Variants in LGSN observed in about 807,000 individuals in gnomAD.
LGSN encodes the protein lengsin, lens protein with glutamine synthetase domain.
A neutral mutation model predicts 19.5 loss-of-function variants in LGSN; 21 were observed. The ratio of observed to expected loss-of-function variants is 1.07; its 90% CI spans 0.76 to 1.55. The LOEUF (loss-of-function observed/expected upper bound fraction) is 1.55. Ranked by LOEUF, LGSN falls within the 40% of genes most tolerant of loss-of-function variation. The pLI, the probability that LGSN is intolerant of heterozygous loss-of-function variation, is 0.00. For synonymous variants in LGSN, 257 were observed against 215.6 expected (o/e 1.19, Z -1.68); for missense variants, 673 against 608.5 (o/e 1.11, Z -1.12).
chr6:63,515,034 ACT>A, the LGSN span, among the ~76,000 whole-genome samples: 5 of 151,690 alleles, frequency 3.3e-5, no homozygotes, highest in Non-Finnish European at 7.4e-5. Context: ...ACAAGGTATT[ACT>A]CTGTCACCAA....
chr6:63,315,715 C>T (rs1768822161), intron 1 of LGSN, among the ~76,000 whole-genome samples: 1 of 149,698 alleles, frequency 6.7e-6, no homozygotes, highest in Admixed American at 6.7e-5. Context: ...TTCAGTGAGG[C>T]AACTGAGGAT....
At chr6:63,500,927 C>T in the LGSN span, among the ~76,000 whole-genome samples, 4 of 151,986 alleles carry the variant, frequency 2.6e-5, no homozygotes, top group Admixed American at 1.3e-4. Flanking sequence ...GGGATTTTGC[C>T]ATGTTGGCCA....
At chr6:63,567,216 A>G in the LGSN span, among the ~76,000 whole-genome samples, 1 of 152,226 alleles carries the variant, frequency 6.6e-6, no homozygotes, top group Non-Finnish European at 1.5e-5. Flanking sequence ...AATGGCATCT[A>G]GAATCCTTTC....
chr6:63,353,813 A>G, the LGSN span, among the ~76,000 whole-genome samples: 1 of 152,120 alleles, frequency 6.6e-6, no homozygotes, highest in South Asian at 2.1e-4. Context: ...GACCAATGAA[A>G]CAGAATAGAG....
chr6:63,509,190 GAGT>G, the LGSN span, among the ~76,000 whole-genome samples: 3 of 151,428 alleles, frequency 2.0e-5, no homozygotes, highest in African/African-American at 7.3e-5. Flanking sequence ...TCAGCCTCCT[GAGT>G]AGCTGGGATT....
At chr6:63,531,478 A>G in the LGSN span, among the ~76,000 whole-genome samples, 17 of 146,896 alleles carry the variant, frequency 1.2e-4, no homozygotes, top group East Asian at 1.8e-3. Context: ...ATAATGTAAT[A>G]TTTGTATTAA....
the LGSN span, among the ~76,000 whole-genome samples, chr6:63,562,425 C>A: frequency 6.6e-6 from 1 of 152,142 alleles, no homozygotes; most frequent in Non-Finnish European, 1.5e-5. Flanking sequence ...TCTCGAACTC[C>A]CGACCTCAAG....
At chr6:63,548,806 G>C in the LGSN span, 1 of 735,562 alleles carries the variant, frequency 1.4e-6, no homozygotes, top group Non-Finnish European at 2.5e-6. Flanking sequence ...CCCCAGTGAC[G>C]GCGGATCTCA....
At chr6:63,557,399 C>A in the LGSN span, among the ~76,000 whole-genome samples, 2 of 152,010 alleles carry the variant, frequency 1.3e-5, no homozygotes, top group Admixed American at 6.6e-5. Flanking sequence ...AACCCTGTCT[C>A]TACTAAAAAT....
chr6:63,451,229 A>G, the LGSN span, among the ~76,000 whole-genome samples: 1 of 152,200 alleles, frequency 6.6e-6, no homozygotes, highest in Non-Finnish European at 1.5e-5. Context: ...CAGCAATTCC[A>G]TTACTGGATA....
At chr6:63,461,167 A>C in the LGSN span, among the ~76,000 whole-genome samples, 1 of 152,076 alleles carries the variant, frequency 6.6e-6, no homozygotes, top group Non-Finnish European at 1.5e-5. Flanking sequence ...TCCCGGGCTC[A>C]AGCCTCCCGA....
At chr6:63,449,462 T>C in the LGSN span, among the ~76,000 whole-genome samples, 2 of 151,510 alleles carry the variant, frequency 1.3e-5, no homozygotes, top group African/African-American at 2.4e-5. Flanking sequence ...GGAGAATCAC[T>C]TGAACCTAGG....
chr6:63,534,984 CA>C, the LGSN span, among the ~76,000 whole-genome samples: 4 of 151,964 alleles, frequency 2.6e-5, no homozygotes, highest in Admixed American at 6.6e-5. Flanking sequence ...TGCTTAAACC[CA>C]GGAGGCAGAG....
chr6:63,416,113 C>CTTTTTTTTTTGCT, the LGSN span, among the ~76,000 whole-genome samples: 1 of 133,196 alleles, frequency 7.5e-6, no homozygotes, highest in Non-Finnish European at 1.6e-5. Context: ...AAGGGAGATG[C>CTTTTTTTTTTGCT]TTTTTTTTTT....
chr6:63,431,915 A>G, the LGSN span, among the ~76,000 whole-genome samples: 1 of 151,638 alleles, frequency 6.6e-6, no homozygotes, highest in African/African-American at 2.4e-5. Flanking sequence ...GAAAAAAAAA[A>G]AAATGCAAAA....
chr6:63,444,512 T>C, the LGSN span, among the ~76,000 whole-genome samples: 1 of 152,294 alleles, frequency 6.6e-6, no homozygotes, highest in East Asian at 1.9e-4. Flanking sequence ...TTCAAAGTAG[T>C]GTAACATGAG....
chr6:63,352,106 C>G, the LGSN span, among the ~76,000 whole-genome samples: 3,785 of 152,154 alleles, frequency 0.025, 174 homozygotes, highest in African/African-American at 0.086. Context: ...AGAAAAAAGA[C>G]TATTGTTACA....
chr6:63,572,755 G>C, the LGSN span: 1 of 398,468 alleles, frequency 2.5e-6, no homozygotes, highest in Non-Finnish European at 4.4e-6. Flanking sequence ...CTCGGGCTGG[G>C]AATCCACGAC....
At chr6:63,494,008 G>A in the LGSN span, among the ~76,000 whole-genome samples, 1 of 146,882 alleles carries the variant, frequency 6.8e-6, no homozygotes, top group South Asian at 2.1e-4. Context: ...GGAGTGCAGT[G>A]GCTCAATCTT....
Sources: allele counts gnomAD v4.1 joint callset (sites outside exome capture counted in the v4.1 genomes callset), GRCh38; gene constraint gnomAD v4.1.1; transcripts MANE v1.5; gene names NCBI Gene and HGNC (gene_info 2026-07-23, HGNC 2026-07-21).